FGF12: variants seen among roughly 807,000 people sequenced by gnomAD.
The protein encoded by FGF12 is fibroblast growth factor 12B.
In FGF12, 14 loss-of-function variants were observed where a neutral mutation model predicts 23.6. The ratio of observed to expected loss-of-function variants is 0.59; its 90% CI spans 0.39 to 0.93. FGF12 has a LOEUF of 0.93. Among genes scored for constraint, FGF12 ranks in the 40% least tolerant of loss-of-function variants. FGF12 has a pLI of 0.00. For synonymous variants in FGF12, 62 were observed against 77.3 expected (o/e 0.80, Z 1.04); for missense variants, 175 against 217.8 (o/e 0.80, Z 1.24).
chr3:192,599,839 A>G (rs1396508055), intron 2 of FGF12, among the ~76,000 whole-genome samples: 1 of 152,140 alleles, frequency 6.6e-6, no homozygotes, highest in Non-Finnish European at 1.5e-5. Flanking sequence ...ATCCAACTAT[A>G]TGACATTATA....
intron 2 of FGF12, among the ~76,000 whole-genome samples, chr3:192,484,208 A>G (rs1215583150): frequency 6.6e-6 from 1 of 151,550 alleles, no homozygotes; most frequent in Non-Finnish European, 1.5e-5. Flanking sequence ...TTTCTGAGAG[A>G]GTACTCTCTA....
intron 4 of FGF12, among the ~76,000 whole-genome samples, chr3:192,268,314 T>A (rs1461462808): frequency 6.6e-6 from 1 of 152,170 alleles, no homozygotes; most frequent in African/African-American, 2.4e-5. Flanking sequence ...GTGGCCTTTA[T>A]CTAAAACTAG....
intron 2 of FGF12, chr3:192,672,859 G>T (rs1469515959): frequency 6.6e-6 from 1 of 150,852 alleles, no homozygotes; most frequent in Non-Finnish European, 1.5e-5. Flanking sequence ...CTCAATTTCA[G>T]TGGATATTTT....
chr3:192,190,085 GT>G (rs964196096), intron 4 of FGF12, among the ~76,000 whole-genome samples: 96 of 152,158 alleles, frequency 6.3e-4, no homozygotes, highest in African/African-American at 2.1e-3. Flanking sequence ...CTAAGGAAAA[GT>G]TTTTTTAAAG....
intron 4 of FGF12, among the ~76,000 whole-genome samples, chr3:192,242,785 A>AAAAG (rs1719689619): frequency 6.6e-6 from 1 of 152,108 alleles, no homozygotes; most frequent in Non-Finnish European, 1.5e-5. Context: ...ATAATTTAGT[A>AAAAG]AAAGAAAATA....
intron 4 of FGF12, among the ~76,000 whole-genome samples, chr3:192,203,097 A>C (rs548372765): frequency 9.2e-5 from 14 of 151,732 alleles, no homozygotes; most frequent in South Asian, 4.2e-4. Flanking sequence ...TATTGTTTAG[A>C]TTTTTTTTAA....
At chr3:192,526,472 C>T (rs1000792489) in intron 2 of FGF12, among the ~76,000 whole-genome samples, 4 of 152,220 alleles carry the variant, frequency 2.6e-5, no homozygotes, top group Admixed American at 2.6e-4. Flanking sequence ...AGGCACTTAT[C>T]ACATCATAGT....
At chr3:192,384,996 A>G (rs1719981481) in intron 2 of FGF12, among the ~76,000 whole-genome samples, 2 of 152,198 alleles carry the variant, frequency 1.3e-5, no homozygotes, top group Admixed American at 6.5e-5. Context: ...AGATAGGTAA[A>G]TAAGTAGATA....
intron 4 of FGF12, among the ~76,000 whole-genome samples, chr3:192,284,277 G>A (rs1025710224): frequency 1.3e-5 from 2 of 152,096 alleles, no homozygotes; most frequent in African/African-American, 4.8e-5. Context: ...TTGGTGACAT[G>A]CTGATGATCA....
At chr3:192,571,485 G>C (rs1219784930) in intron 2 of FGF12, among the ~76,000 whole-genome samples, 1 of 152,236 alleles carries the variant, frequency 6.6e-6, no homozygotes, top group Non-Finnish European at 1.5e-5. Context: ...GGCATCAACA[G>C]GCAGAAGGTG....
At chr3:192,198,885 A>T (rs1717216683) in intron 4 of FGF12, among the ~76,000 whole-genome samples, 1 of 152,246 alleles carries the variant, frequency 6.6e-6, no homozygotes, top group Admixed American at 6.5e-5. Context: ...GTGGCTTTTA[A>T]GGTAGTTTCT....
chr3:192,413,792 C>G (rs1721267400), intron 2 of FGF12, among the ~76,000 whole-genome samples: 1 of 152,180 alleles, frequency 6.6e-6, no homozygotes, highest in African/African-American at 2.4e-5. Context: ...GCCCCTGACT[C>G]AAAGTCGGGT....
rs191251093 is a variant in FGF12 at position 192,723,502 on chromosome 3, C to A, written c.13+3679G>T. 1.1e-4 allele frequency among the ~76,000 whole-genome samples: 16 copies of A among 152,178 alleles called. No homozygotes were observed. In the East Asian group the frequency reaches 3.1e-3, roughly 30 times the overall value. On this transcript the variant is annotated intron_variant, in intron 2 of 5. Coordinates refer to ENST00000445105, the MANE Select transcript of FGF12 (RefSeq NM_004113.6). The stretch of plus-strand genomic sequence containing the variant: ...AATGACCATTAGATTTTGTTGAAAT[C>A]CAGATTTGATTTGGTAGATGTGGTG...
At chr3:192,725,045 T>C (rs1309707931) in intron 2 of FGF12, among the ~76,000 whole-genome samples, 5 of 152,204 alleles carry the variant, frequency 3.3e-5, no homozygotes, top group Non-Finnish European at 7.3e-5. Context: ...CACGGCAGCA[T>C]AAAATGTGAA....
chr3:192,554,936 A>G (rs781403), intron 2 of FGF12, among the ~76,000 whole-genome samples: 123,744 of 152,068 alleles, frequency 0.81, 50,836 homozygotes, highest in East Asian at 0.95. Context: ...GATCTAGCTG[A>G]ACAAAGAATT....
intron 2 of FGF12, among the ~76,000 whole-genome samples, chr3:192,606,097 A>G (rs1255254705): frequency 1.3e-5 from 2 of 152,240 alleles, no homozygotes; most frequent in Admixed American, 1.3e-4. Flanking sequence ...CACTATTCAC[A>G]ATAGCAAACA....
rs181654299 is a variant in FGF12 at position 192,256,222 on chromosome 3, T to C, written c.228+79139A>G. On this transcript the variant is annotated intron_variant, in intron 4 of 5. Transcript: ENST00000445105. ...ATTTCCAGCTTCTGACTTATAAATA[T>C]GCATAATTTTATAATTGTTAAATAA... 1.7e-4 allele frequency among the ~76,000 whole-genome samples: 26 copies of C among 152,210 alleles called. No individual in the cohort carries two copies. In the East Asian group the frequency reaches 4.2e-3, roughly 25 times the overall value.
chr3:192,200,224 G>C (rs1231159362), intron 4 of FGF12, among the ~76,000 whole-genome samples: 1 of 151,870 alleles, frequency 6.6e-6, no homozygotes, highest in African/African-American at 2.4e-5. Flanking sequence ...AGCTACTCCG[G>C]AGGCTGAGTC....
chr3:192,172,328 G>A (rs1715613210), intron 4 of FGF12, among the ~76,000 whole-genome samples: 1 of 150,282 alleles, frequency 6.7e-6, no homozygotes, highest in South Asian at 2.1e-4. Context: ...GGTGGATGTT[G>A]CAGTGAGCAG....
Sources: allele counts gnomAD v4.1 joint callset (sites outside exome capture counted in the v4.1 genomes callset), GRCh38; gene constraint gnomAD v4.1.1; transcripts MANE v1.5; gene names NCBI Gene and HGNC (gene_info 2026-07-23, HGNC 2026-07-21).